CA5B: variants seen among roughly 807,000 people sequenced by gnomAD.
CA5B encodes the protein carbonic anhydrase 5B, mitochondrial.
Under a neutral mutation model 23.1 loss-of-function variants are expected in CA5B, and 15 were observed. The ratio of observed to expected loss-of-function variants is 0.65; its 90% CI spans 0.43 to 1.00. The LOEUF (loss-of-function observed/expected upper bound fraction) is 1.00, where lower values mean the gene tolerates loss of function less well. Ranked by LOEUF, CA5B falls within the 50% of genes least tolerant of loss-of-function variation. CA5B has a pLI of 0.00. For missense variants in CA5B, 236 were observed against 252.2 expected (o/e 0.94, Z 0.43); for synonymous variants, 84 against 98.5 (o/e 0.85, Z 0.87).
intron 2 of CA5B, among the ~76,000 whole-genome samples, chrX:15,752,689 C>T (rs1476455512): frequency 2.8e-5 from 3 of 108,721 alleles, no homozygotes; most frequent in Non-Finnish European, 5.7e-5. Context: ...CGCGCCACTG[C>T]ACTCCAGCCT....
Position 15,775,466 on chromosome X carries a change from T to C in CA5B, c.618+158T>C, listed in dbSNP as rs931852723. The stretch of plus-strand genomic sequence containing the variant: ...CATTTATGATTCCAGGGGACAGAAG[T>C]CATCATTCTGTGGGTAGGCAGTGAG... On this transcript the variant is annotated intron_variant, in intron 6 of 7. Transcript: ENST00000318636. 26 of 989,411 alleles carry C rather than the reference T, an allele frequency of 2.6e-5. No individual in the cohort carries two copies. The African/African-American group carries it at 4.2e-4, about 16-fold the overall frequency. 81.5% of individuals were successfully genotyped at this position (989,411 alleles called of 1,213,427 possible).
chrX:15,750,228 C>G, intron 2 of CA5B, 63 bp downstream of exon 2: 3 of 911,242 alleles, frequency 3.3e-6, no homozygotes, highest in Non-Finnish European at 4.6e-6. Flanking sequence ...AGAGTGAAAT[C>G]TCATCTCTTA....
intron 4 of CA5B, among the ~76,000 whole-genome samples, chrX:15,774,036 A>G: frequency 8.9e-6 from 1 of 112,525 alleles, no homozygotes; most frequent in African/African-American, 3.2e-5. Flanking sequence ...TTGATTGCTC[A>G]CTGAAGTGTC....
At chrX:15,746,828 G>A (rs944828216) in intron 1 of CA5B, among the ~76,000 whole-genome samples, 2 of 110,876 alleles carry the variant, frequency 1.8e-5, no homozygotes, top group Non-Finnish European at 3.8e-5. Context: ...GCCAGATTAC[G>A]GGTCTGGGTG....
intron 1 of CA5B, among the ~76,000 whole-genome samples, chrX:15,741,030 C>T (rs1353181608): frequency 1.8e-5 from 2 of 110,495 alleles, no homozygotes; most frequent in East Asian, 5.9e-4. Flanking sequence ...CCACTGCACT[C>T]CAGCGTGGGT....
rs1264920482 is a variant in CA5B at position 15,787,137 on chromosome X, T to C, written c.*4473T>C. 9.0e-6 allele frequency: 1 copy of C among 111,406 alleles called. No individual in the cohort carries two copies. Among genetic ancestry groups the C allele is most frequent in the African/African-American group, 3.3e-5 (1 of 30,596 alleles). 9.2% of individuals were successfully genotyped at this position (111,406 alleles called of 1,213,427 possible). A position where few individuals can be genotyped will look rare whatever the true frequency, so the allele number is the denominator to read the frequency against. ...ACAGCCTGCCTTGGGTTATATACCA[T>C]AGGAGCCACATAACTCATTGGGCAA... On this transcript the variant is annotated 3_prime_UTR_variant, in exon 8 of 8. Coordinates refer to ENST00000318636, the MANE Select transcript of CA5B (RefSeq NM_007220.4).
intron 3 of CA5B, 36 bp downstream of exon 3, chrX:15,764,811 A>G: frequency 1.1e-6 from 1 of 898,964 alleles, no homozygotes; most frequent in Non-Finnish European, 1.5e-6. Flanking sequence ...TAAGGAGTTA[A>G]AGAAACAGTG....
At chrX:15,764,360 TC>T (rs1931662651) in intron 2 of CA5B, among the ~76,000 whole-genome samples, 1 of 110,021 alleles carries the variant, frequency 9.1e-6, no homozygotes, top group South Asian at 3.9e-4. Flanking sequence ...CACTTTAGCT[TC>T]CCCGGTAGCT....
At chrX:15,745,426 G>A (rs1931211041) in intron 1 of CA5B, among the ~76,000 whole-genome samples, 1 of 111,786 alleles carries the variant, frequency 8.9e-6, no homozygotes, top group Admixed American at 9.5e-5. Context: ...TGCAGATGGT[G>A]GTGATGGTTG....
At chrX:15,768,927 T>A (rs1238541955) in intron 3 of CA5B, 1 of 111,810 alleles carries the variant, frequency 8.9e-6, no homozygotes, top group Non-Finnish European at 1.9e-5. Context: ...CTGGGGAAGG[T>A]ATGTGACAAA....
At chrX:15,771,806 T>C (rs1297965997) in intron 3 of CA5B, among the ~76,000 whole-genome samples, 1 of 110,867 alleles carries the variant, frequency 9.0e-6, no homozygotes, top group African/African-American at 3.3e-5. Flanking sequence ...GATATATGTA[T>C]GCATTGTGGA....
chrX:15,780,662 T>G, intron 7 of CA5B, among the ~76,000 whole-genome samples: 1 of 112,789 alleles, frequency 8.9e-6, no homozygotes, highest in African/African-American at 3.2e-5. Context: ...GTCATTTATC[T>G]TTGATACTTA....
Position 15,782,876 on chromosome X carries a change from A to G in CA5B, c.*212A>G, listed in dbSNP as rs774950288. On this transcript the variant is annotated 3_prime_UTR_variant, in exon 8 of 8. Coordinates refer to ENST00000318636, the MANE Select transcript of CA5B (RefSeq NM_007220.4). ...TTACAGATACCTGTTGGTAATTGTA[A>G]TGCCTTTTTTTTTTCTTTAAGAGAC... The G allele has an allele frequency of 2.9e-6, 1 of 339,358 alleles. No individual in the cohort carries two copies. The highest frequency in any genetic ancestry group is 4.7e-5 in the East Asian group (1 of 21,084). 28.0% of individuals were successfully genotyped at this position (339,358 alleles called of 1,213,427 possible). A position where few individuals can be genotyped will look rare whatever the true frequency, so the allele number is the denominator to read the frequency against.
At chrX:15,768,230 G>A (rs1162511120) in intron 3 of CA5B, among the ~76,000 whole-genome samples, 1 of 110,081 alleles carries the variant, frequency 9.1e-6, no homozygotes, top group Non-Finnish European at 1.9e-5. Flanking sequence ...TAGAGATGGG[G>A]TTCCTGAGAT....
At chrX:15,773,738 G>A (rs1193508717) in intron 4 of CA5B, among the ~76,000 whole-genome samples, 1 of 110,725 alleles carries the variant, frequency 9.0e-6, no homozygotes, top group Non-Finnish European at 1.9e-5. Flanking sequence ...TTTTTTTGTA[G>A]AGACAAGGTT....
intron 1 of CA5B, among the ~76,000 whole-genome samples, chrX:15,741,319 C>T (rs1364731165): frequency 9.7e-6 from 1 of 103,005 alleles, no homozygotes. Context: ...CCACCCTCCT[C>T]GGCCTCCTAA....
chrX:15,744,038 G>A (rs961013019), intron 1 of CA5B, among the ~76,000 whole-genome samples: 3 of 112,173 alleles, frequency 2.7e-5, no homozygotes, highest in African/African-American at 9.7e-5. Flanking sequence ...ATGACTGAGA[G>A]GGTGAAGGTG....
intron 5 of CA5B, among the ~76,000 whole-genome samples, chrX:15,774,838 C>T (rs373701121): frequency 1.8e-5 from 2 of 111,630 alleles, no homozygotes; most frequent in African/African-American, 6.5e-5. Context: ...ACTCCATCCC[C>T]CCCACCACCA....
At chrX:15,781,118 C>T (rs931142955) in intron 7 of CA5B, among the ~76,000 whole-genome samples, 3 of 110,555 alleles carry the variant, frequency 2.7e-5, no homozygotes, top group African/African-American at 9.9e-5. Flanking sequence ...GCTGGGATTA[C>T]AGGCATGAGC....
Sources: allele counts gnomAD v4.1 joint callset (sites outside exome capture counted in the v4.1 genomes callset), GRCh38; gene constraint gnomAD v4.1.1; transcripts MANE v1.5; gene names NCBI Gene and HGNC (gene_info 2026-07-23, HGNC 2026-07-21).